Variants in EXOC1 observed in about 807,000 individuals in gnomAD.
The protein encoded by EXOC1 is SEC3-like 1.
In EXOC1, 67 loss-of-function variants were observed where a neutral mutation model predicts 107.7. The ratio of observed to expected loss-of-function variants is 0.62; its 90% CI spans 0.51 to 0.76. The LOEUF is 0.76. EXOC1 is among the 30% of genes least tolerant of loss of function. The probability of loss-of-function intolerance (pLI) is 0.00; values close to 1 mark genes in which losing one functional copy is unlikely to be tolerated. For missense variants in EXOC1, 833 were observed against 1,055.7 expected (o/e 0.79, Z 2.92); for synonymous variants, 348 against 353.5 (o/e 0.98, Z 0.17).
intron 9 of EXOC1, among the ~76,000 whole-genome samples, chr4:55,882,110 T>TGTTGTA (rs1367316241): frequency 1.3e-5 from 2 of 151,606 alleles, no homozygotes; most frequent in African/African-American, 4.8e-5. Flanking sequence ...TTGTTGTTGT[T>TGTTGTA]GTTGTTGTAT....
intron 9 of EXOC1, among the ~76,000 whole-genome samples, chr4:55,881,821 C>T (rs1357231287): frequency 6.6e-6 from 1 of 152,006 alleles, no homozygotes; most frequent in Non-Finnish European, 1.5e-5. Flanking sequence ...TTGACTTTTC[C>T]CTATAACTTA....
In EXOC1 at chr4:55,853,701, T is replaced by G. The variant is rs1720684909; in HGVS notation, c.-263T>G. The G allele has an allele frequency of 6.6e-6, 1 of 152,262 alleles. No individual in the cohort carries two copies. The highest frequency in any genetic ancestry group is 1.5e-5 in the Non-Finnish European group (1 of 68,058). The allele number at this position is 152,262 out of a possible 1,614,324, so 9.4% of individuals were successfully genotyped here. On this transcript the variant is annotated 5_prime_UTR_variant, in exon 1 of 19. Coordinates refer to ENST00000381295, the MANE Select transcript of EXOC1 (RefSeq NM_001024924.2). ...GTGTTGGGGGAACGGCCGCTTCCCG[T>G]TCAACGCTTTATTGAGGGGCGTATC...
chr4:55,904,214 G>T, intron 18 of EXOC1, 129 bp from the exon 19 acceptor site: 1 of 810,498 alleles, frequency 1.2e-6, no homozygotes, highest in Non-Finnish European at 1.8e-6. Context: ...CTGGGATTCT[G>T]GTTTCAGAAT....
Position 55,860,484 on chromosome 4 carries a change from G to A in EXOC1, c.198G>A (p.Arg66=). 6.2e-7 allele frequency: 1 copy of A among 1,614,036 alleles called. No homozygotes were observed. The highest frequency in any genetic ancestry group is 1.1e-5 in the South Asian group (1 of 91,086). ...KKSDKGDFYK[R]QIAWALRDLA... ...CCGATAAGGGAGATTTCTACAAAAG[G>A]CAGATTGCATGGGCCCTTCGAGATC... is the stretch of plus-strand genomic sequence containing the variant. Residue 66 remains arginine, a synonymous_variant, in exon 3 of 19, where the codon AGG becomes AGA. Transcript: ENST00000381295.
At chr4:55,897,332 A>G (rs1236979240) in intron 16 of EXOC1, among the ~76,000 whole-genome samples, 2 of 152,052 alleles carry the variant, frequency 1.3e-5, no homozygotes, top group East Asian at 1.9e-4. Flanking sequence ...CAAAAACATG[A>G]CCTTCCAGAT....
chr4:55,901,807 T>G (rs1445559874), intron 17 of EXOC1, among the ~76,000 whole-genome samples: 2 of 152,176 alleles, frequency 1.3e-5, no homozygotes, highest in African/African-American at 4.8e-5. Context: ...TTTGTATATA[T>G]ACTGAAGAAT....
chr4:55,890,962 A>G (rs1392319970), intron 12 of EXOC1, among the ~76,000 whole-genome samples: 1 of 152,192 alleles, frequency 6.6e-6, no homozygotes, highest in African/African-American at 2.4e-5. Context: ...TCCTGAGCTC[A>G]AGTGATCTGC....
intron 8 of EXOC1, chr4:55,876,283 G>A (rs1461252196): frequency 1.0e-6 from 1 of 985,164 alleles, no homozygotes; most frequent in Admixed American, 6.2e-5. Context: ...TTATATTCAG[G>A]TAGCCACCCA....
intron 8 of EXOC1, chr4:55,877,355 T>C (rs1406000267): frequency 4.1e-6 from 4 of 985,262 alleles, no homozygotes; most frequent in Non-Finnish European, 4.8e-6. Flanking sequence ...TGGTTTGCCT[T>C]TTGCTTGTTG....
intron 9 of EXOC1, among the ~76,000 whole-genome samples, 175 bp downstream of exon 9, chr4:55,878,241 G>A (rs900529774): frequency 1.3e-5 from 2 of 152,162 alleles, no homozygotes; most frequent in Admixed American, 6.6e-5. Context: ...GGATAAAGGA[G>A]AGCTAAATTT....
chr4:55,864,023 T>C (rs1721726548), intron 3 of EXOC1, among the ~76,000 whole-genome samples: 1 of 152,130 alleles, frequency 6.6e-6, no homozygotes, highest in Admixed American at 6.5e-5. Context: ...ACCACAACAG[T>C]ATGTTGTTTT....
intron 3 of EXOC1, among the ~76,000 whole-genome samples, chr4:55,862,316 AT>A (rs201169091): frequency 0.066 from 9,624 of 145,806 alleles, 363 homozygotes; most frequent in Non-Finnish European, 0.08. Flanking sequence ...TGCTTAATGG[AT>A]TTTTTTTTTT....
intron 1 of EXOC1, among the ~76,000 whole-genome samples, chr4:55,856,311 G>A (rs1403671769): frequency 1.3e-5 from 2 of 152,182 alleles, no homozygotes; most frequent in Non-Finnish European, 2.9e-5. Flanking sequence ...GATAGTTTAG[G>A]TATAGGGAAA....
chr4:55,862,932 ACT>A (rs1444499614), intron 3 of EXOC1, among the ~76,000 whole-genome samples: 1 of 151,960 alleles, frequency 6.6e-6, no homozygotes. Flanking sequence ...ACAGGGTCTC[ACT>A]CTGTCACCCA....
intron 15 of EXOC1, 148 bp downstream of exon 15, chr4:55,893,928 G>C: frequency 1.5e-6 from 1 of 668,864 alleles, no homozygotes; most frequent in East Asian, 2.7e-5. Context: ...CAATCTACAT[G>C]AACAGAGTTA....
At chr4:55,903,147 T>TAAAAAAAAAAAAA (rs10544843) in intron 18 of EXOC1, among the ~76,000 whole-genome samples, 2 of 98,502 alleles carry the variant, frequency 2.0e-5, no homozygotes, top group African/African-American at 3.3e-5. Context: ...GTGTCTCAAT[T>TAAAAAAAAAAAAA]AAAAAAAAAA....
chr4:55,890,756 G>A (rs1724437453), intron 12 of EXOC1, among the ~76,000 whole-genome samples: 1 of 152,074 alleles, frequency 6.6e-6, no homozygotes, highest in Non-Finnish European at 1.5e-5. Flanking sequence ...TTGAAATGGA[G>A]TCTTGCTCTG....
intron 10 of EXOC1, 74 bp downstream of exon 10, chr4:55,884,002 T>C (rs1295224945): frequency 2.7e-6 from 3 of 1,102,144 alleles, no homozygotes; most frequent in African/African-American, 1.6e-5. Context: ...TTCTAAGACT[T>C]CTTAAGCAAG....
At chr4:55,871,759 T>C in intron 7 of EXOC1, 90 bp from the exon 8 acceptor site, 1 of 1,221,554 alleles carries the variant, frequency 8.2e-7, no homozygotes, top group Non-Finnish European at 1.2e-6. Context: ...TTTGGGTTCT[T>C]CAAAACGTTA....
Sources: allele counts gnomAD v4.1 joint callset (sites outside exome capture counted in the v4.1 genomes callset), GRCh38; gene constraint gnomAD v4.1.1; transcripts MANE v1.5; gene names NCBI Gene and HGNC (gene_info 2026-07-23, HGNC 2026-07-21).